TSHZ3: variants seen among roughly 807,000 people sequenced by gnomAD.
TSHZ3 encodes teashirt zinc finger homeobox 3, also known as teashirt homolog 3.
TSHZ3 carries 10 observed loss-of-function variants against 64.5 expected under a neutral mutation model. The ratio of observed to expected loss-of-function variants is 0.16; its 90% CI spans 0.10 to 0.26. The LOEUF (loss-of-function observed/expected upper bound fraction) is 0.26. Among genes scored for constraint, TSHZ3 ranks in the 10% least tolerant of loss-of-function variants. TSHZ3 has a pLI of 1.00. For missense variants in TSHZ3, 1,242 were observed against 1,421.7 expected (o/e 0.87, Z 2.03); for synonymous variants, 608 against 593.1 (o/e 1.03, Z -0.36).
intron 1 of TSHZ3, among the ~76,000 whole-genome samples, chr19:31,309,082 C>A (rs1916379630): frequency 6.6e-6 from 1 of 152,248 alleles, no homozygotes; most frequent in South Asian, 2.1e-4. Context: ...GCAACATGGG[C>A]TGCCTTGAGC....
chr19:31,225,352 C>A (rs958239707), intron 4 of TSHZ3, among the ~76,000 whole-genome samples: 2 of 152,298 alleles, frequency 1.3e-5, no homozygotes, highest in Non-Finnish European at 2.9e-5. Context: ...TTTCCCCCAG[C>A]CTTGGCAGAG....
intron 5 of TSHZ3, among the ~76,000 whole-genome samples, chr19:31,180,803 C>T (rs781349203): frequency 2.0e-5 from 3 of 152,162 alleles, no homozygotes; most frequent in African/African-American, 4.8e-5. Context: ...ATCTTCCTAC[C>T]ACTGGGGCCC....
chr19:31,276,595 T>C lies in TSHZ3; in HGVS notation c.3198A>G (p.Lys1066=). The C allele has an allele frequency of 1.3e-6, 2 of 1,593,640 alleles. No homozygotes were observed. Among genetic ancestry groups the C allele is most frequent in the Non-Finnish European group, 8.6e-7 (1 of 1,166,346 alleles). ...VKLHLSKTHG[K]SPEDHLLYVS... ...CATACAGAAGGTGGTCTTCCGGAGA[T>C]TTCCCGTGTGTTTTGCTAAGGTGAA... Residue 1066 remains lysine (K), a synonymous_variant, in exon 2 of 2, where the codon AAA becomes AAG. Transcript: ENST00000240587.
At chr19:31,250,790 C>G (rs1390244854) in intron 1 of TSHZ3, among the ~76,000 whole-genome samples, 1 of 152,124 alleles carries the variant, frequency 6.6e-6, no homozygotes, top group African/African-American at 2.4e-5. Context: ...TAGCACTGAG[C>G]CTGACACACA....
chr19:31,216,179 C>A (rs1045456588), intron 4 of TSHZ3, among the ~76,000 whole-genome samples: 1 of 151,990 alleles, frequency 6.6e-6, no homozygotes, highest in Non-Finnish European at 1.5e-5. Context: ...TATGTCTGGC[C>A]ATCAAATCGT....
At chr19:31,250,533 T>C (rs1975825856) in intron 1 of TSHZ3, among the ~76,000 whole-genome samples, 1 of 152,242 alleles carries the variant, frequency 6.6e-6, no homozygotes, top group African/African-American at 2.4e-5. Context: ...AGTGCACAGT[T>C]AAATAATGGA....
At chr19:31,206,127 G>GT (rs1397137532) in intron 4 of TSHZ3, among the ~76,000 whole-genome samples, 1 of 144,116 alleles carries the variant, frequency 6.9e-6, no homozygotes, top group Non-Finnish European at 1.5e-5. Flanking sequence ...ATGGATGGAT[G>GT]GATAAATGAA....
intron 1 of TSHZ3, among the ~76,000 whole-genome samples, chr19:31,311,660 G>A (rs1916462930): frequency 6.6e-6 from 1 of 152,174 alleles, no homozygotes; most frequent in African/African-American, 2.4e-5. Context: ...ACTGGAAGAT[G>A]AGAATCCCGT....
chr19:31,336,580 A>AAATCC (rs1340794482), intron 1 of TSHZ3, among the ~76,000 whole-genome samples: 1 of 152,196 alleles, frequency 6.6e-6, no homozygotes, highest in African/African-American at 2.4e-5. Flanking sequence ...CGGTTATCTA[A>AAATCC]GGAACGAAGT....
intron 1 of TSHZ3, among the ~76,000 whole-genome samples, chr19:31,284,735 G>A (rs976304191): frequency 1.3e-5 from 2 of 152,196 alleles, no homozygotes; most frequent in African/African-American, 4.8e-5. Context: ...GATCACTTGT[G>A]TATGGCCAGA....
intron 5 of TSHZ3, among the ~76,000 whole-genome samples, chr19:31,184,910 G>A (rs566219059): frequency 6.6e-6 from 1 of 152,214 alleles, no homozygotes; most frequent in African/African-American, 2.4e-5. Flanking sequence ...AAGGGAGAAG[G>A]AAAAAATGCA....
At chr19:31,164,618 C>G (rs748143623) in intron 5 of TSHZ3, among the ~76,000 whole-genome samples, 1 of 152,276 alleles carries the variant, frequency 6.6e-6, no homozygotes, top group South Asian at 2.1e-4. Flanking sequence ...TTTGATAGAG[C>G]TTACACAAGT....
intron 1 of TSHZ3, among the ~76,000 whole-genome samples, chr19:31,243,188 G>C (rs1426332623): frequency 6.6e-6 from 1 of 152,182 alleles, no homozygotes; most frequent in Non-Finnish European, 1.5e-5. Flanking sequence ...ACTACTGACT[G>C]TTTATATGGA....
intron 1 of TSHZ3, among the ~76,000 whole-genome samples, chr19:31,338,353 G>C (rs1165042262): frequency 1.3e-5 from 2 of 152,218 alleles, no homozygotes; most frequent in African/African-American, 4.8e-5. Context: ...GTGGGGGTCT[G>C]CTGGGGCCCT....
rs1054015615 is a variant in TSHZ3, at chr19:31,275,614, C to T, written c.*933G>A. ...TATTCAGACTGCTCAAAACAAATGACAATATGATGCTAATAAATATGTATA... is the reference window on the plus strand; with the variant it reads ...TATTCAGACTGCTCAAAACAAATGATAATATGATGCTAATAAATATGTATA... On this transcript the variant is annotated 3_prime_UTR_variant, in exon 2 of 2. Transcript: ENST00000240587. 2 of 152,420 alleles carry T rather than the reference C, an allele frequency of 1.3e-5. No homozygotes were observed. Among genetic ancestry groups the T allele is most frequent in the Non-Finnish European group, 2.9e-5 (2 of 68,014 alleles). 9.4% of individuals were successfully genotyped at this position (152,420 alleles called of 1,614,324 possible). A position where few individuals can be genotyped will look rare whatever the true frequency, so the allele number is the denominator to read the frequency against.
chr19:31,297,577 G>C (rs1317317842), intron 1 of TSHZ3, among the ~76,000 whole-genome samples: 3 of 152,098 alleles, frequency 2.0e-5, no homozygotes, highest in Non-Finnish European at 2.9e-5. Flanking sequence ...TGATCCTCGT[G>C]CCTCAGCCTC....
At chr19:31,264,435 G>A (rs769003316) in intron 1 of TSHZ3, among the ~76,000 whole-genome samples, 6 of 152,076 alleles carry the variant, frequency 3.9e-5, no homozygotes, top group Admixed American at 6.5e-5. Context: ...CTATCTGAAC[G>A]TTCCAGGCTC....
chr19:31,152,147 GA>G (rs544295252), intron 6 of TSHZ3, among the ~76,000 whole-genome samples: 9 of 151,422 alleles, frequency 5.9e-5, no homozygotes, highest in Admixed American at 4.6e-4. Context: ...AAAAAGAAAA[GA>G]AAAAAAATCG....
chr19:31,239,834 T>C (rs1256729989), intron 3 of TSHZ3, among the ~76,000 whole-genome samples: 1 of 152,168 alleles, frequency 6.6e-6, no homozygotes, highest in South Asian at 2.1e-4. Context: ...TCTCCTACCA[T>C]GGCCTCCCAA....
Sources: allele counts gnomAD v4.1 joint callset (sites outside exome capture counted in the v4.1 genomes callset), GRCh38; gene constraint gnomAD v4.1.1; transcripts MANE v1.5; gene names NCBI Gene and HGNC (gene_info 2026-07-23, HGNC 2026-07-21).